Variants in CDH19 observed in about 807,000 individuals in gnomAD.
CDH19 encodes the protein cadherin-19.
In CDH19, 67 loss-of-function variants were observed where a neutral mutation model predicts 64.2. The ratio of observed to expected loss-of-function variants is 1.04; its 90% confidence interval spans 0.86 to 1.28. CDH19 has a LOEUF of 1.28. Ranked by LOEUF, CDH19 falls within the 50% of genes most tolerant of loss-of-function variation. The pLI, the probability that CDH19 is intolerant of heterozygous loss-of-function variation, is 0.00. For synonymous variants in CDH19, 346 were observed against 319.3 expected, an observed-to-expected ratio of 1.08 and a Z score of -0.89; for missense variants, 1,030 against 929.0, an observed-to-expected ratio of 1.11 and a Z score of -1.41.
At chr18:66,545,981 A>G (rs1053029294) in intron 5 of CDH19, among the ~76,000 whole-genome samples, 2 of 151,830 alleles carry the variant, frequency 1.3e-5, no homozygotes, top group African/African-American at 4.8e-5. Flanking sequence ...TAACTTGTGT[A>G]AAACTGATAT....
Position 66,544,079 on chromosome 18 carries a change from A to G in CDH19, c.1106T>C (p.Leu369Pro). Residue 369 changes from leucine to proline, a missense_variant, in exon 7 of 12, where the codon CTT (leucine) becomes CCT (proline). Physicochemically the swap from Leu to Pro is moderately conservative, Grantham distance 98. Transcript: ENST00000262150. ...AAATACATAATATGGAAGGAGGAAA[A>G]GAGGAGGCTCATCAACATCTTCCAC... ...IQVEDVDEPP[L>P]FLLPYYVFEV... The G allele has an allele frequency of 1.2e-6, 2 of 1,613,970 alleles. No homozygotes were observed. Among genetic ancestry groups the G allele is most frequent in the Non-Finnish European group, 1.7e-6 (2 of 1,179,924 alleles).
At chr18:66,597,346 A>C (rs1262997266) in intron 1 of CDH19, among the ~76,000 whole-genome samples, 1 of 151,992 alleles carries the variant, frequency 6.6e-6, no homozygotes, top group Non-Finnish European at 1.5e-5. Flanking sequence ...CATCCATAAT[A>C]AGCAATGGGG....
At position 66,503,767 on chromosome 18, in the gene CDH19, T is replaced by C. The variant is rs890256834; in HGVS notation, c.*1045A>G. ...ATACTATATAACTCTGATTAATTTG[T>C]ATACACCAAGTATCTGTTCAAATTT... On this transcript the variant is annotated 3_prime_UTR_variant, in exon 12 of 12. Transcript: ENST00000262150. 1.3e-5 allele frequency: 2 copies of C among 151,988 alleles called. No homozygotes were observed. The highest frequency in any genetic ancestry group is 4.8e-5 in the African/African-American group (2 of 41,452). 9.4% of individuals were successfully genotyped at this position (151,988 alleles called of 1,614,324 possible).
chr18:66,513,608 C>G (rs904185116), intron 9 of CDH19, among the ~76,000 whole-genome samples: 1 of 151,026 alleles, frequency 6.6e-6, no homozygotes, highest in African/African-American at 2.4e-5. Flanking sequence ...TTTAAATATA[C>G]CAATGGAAAG....
At position 66,567,508 on chromosome 18, in the gene CDH19, G is replaced by T. The variant is rs1987953072; in HGVS notation, c.490+908C>A. 2.0e-5 allele frequency among the ~76,000 whole-genome samples: 3 copies of T among 151,888 alleles called. No individual in the cohort carries two copies. The Middle Eastern group carries it at 0.01, about 517-fold the overall frequency. ...CAAATTTGTTTCTGCTGTATTTAAAGACCTATGTTCCAAACAATGTAGAAA... is the reference window on the plus strand; with the variant it reads ...CAAATTTGTTTCTGCTGTATTTAAATACCTATGTTCCAAACAATGTAGAAA... On this transcript the variant is annotated intron_variant, in intron 3 of 11. Transcript: ENST00000262150.
intron 3 of CDH19, among the ~76,000 whole-genome samples, chr18:66,566,437 A>T (rs1432408265): frequency 6.6e-6 from 1 of 151,798 alleles, no homozygotes; most frequent in Non-Finnish European, 1.5e-5. Flanking sequence ...AACAAGCAAA[A>T]AGTCCTCTTG....
intron 1 of CDH19, among the ~76,000 whole-genome samples, chr18:66,572,780 GTAAT>G (rs1461939712): frequency 6.6e-6 from 1 of 151,574 alleles, no homozygotes; most frequent in African/African-American, 2.4e-5. Flanking sequence ...ATTTTATGTA[GTAAT>G]TAAATAGACA....
intron 9 of CDH19, among the ~76,000 whole-genome samples, chr18:66,525,754 A>C (rs1163648035): frequency 2.0e-5 from 3 of 152,100 alleles, no homozygotes; most frequent in Non-Finnish European, 4.4e-5. Flanking sequence ...GTGGGAGGAA[A>C]TTGTTGGCTT....
chr18:66,525,590 C>T (rs1014235731), intron 9 of CDH19, among the ~76,000 whole-genome samples: 1 of 152,116 alleles, frequency 6.6e-6, no homozygotes, highest in Non-Finnish European at 1.5e-5. Flanking sequence ...GGAAACACAA[C>T]AGTCTTGTGC....
At chr18:66,568,770 C>T in intron 2 of CDH19, 60 bp from the exon 3 acceptor site, 3 of 1,361,944 alleles carry the variant, frequency 2.2e-6, no homozygotes, top group Non-Finnish European at 3.0e-6. Context: ...AAATCAAAAT[C>T]AAGATTTTCT....
At chr18:66,566,200 T>C (rs1987903312) in intron 3 of CDH19, among the ~76,000 whole-genome samples, 1 of 152,084 alleles carries the variant, frequency 6.6e-6, no homozygotes, top group East Asian at 1.9e-4. Context: ...TAGAAACGTT[T>C]ATTAACTGAT....
chr18:66,574,890 G>A (rs1205138065), intron 1 of CDH19, among the ~76,000 whole-genome samples: 2 of 151,612 alleles, frequency 1.3e-5, no homozygotes, highest in Non-Finnish European at 2.9e-5. Context: ...TTAAAGTATT[G>A]AAAATGAAAA....
At chr18:66,549,787 G>T (rs191989623) in intron 5 of CDH19, among the ~76,000 whole-genome samples, 1 of 152,092 alleles carries the variant, frequency 6.6e-6, no homozygotes, top group East Asian at 1.9e-4. Context: ...GCATTTGTGT[G>T]TGCGCACACA....
chr18:66,509,136 T>C lies in CDH19; in HGVS notation c.1687A>G (p.Thr563Ala). 1 of 1,613,010 alleles carries C rather than the reference T, an allele frequency of 6.2e-7. No individual in the cohort carries two copies. Among genetic ancestry groups the C allele is most frequent in the Non-Finnish European group, 8.5e-7 (1 of 1,179,318 alleles). ...CAGACATGGATGGTAAGGGTGTTTGTACTTGTAAGTGACGGGATTCCATTG... is the reference window on the plus strand; with the variant it reads ...CAGACATGGATGGTAAGGGTGTTTGCACTTGTAAGTGACGGGATTCCATTG... ...ADNGIPSLTS[T>A]NTLTIHVCDC... The change falls in exon 11 of 12, where the codon ACA becomes GCA. Residue 563 changes from threonine to alanine, a missense_variant. Transcript: ENST00000262150.
intron 1 of CDH19, among the ~76,000 whole-genome samples, chr18:66,600,895 G>T (rs1989021248): frequency 6.6e-6 from 1 of 151,790 alleles, no homozygotes. Context: ...GTCTCCCAAA[G>T]AAAAGTGTTA....
At chr18:66,580,841 C>T (rs924952224) in intron 1 of CDH19, among the ~76,000 whole-genome samples, 1 of 152,000 alleles carries the variant, frequency 6.6e-6, no homozygotes, top group Admixed American at 6.6e-5. Flanking sequence ...TGTTTATACT[C>T]CTCTATATTC....
At chr18:66,548,248 T>C (rs1987206727) in intron 5 of CDH19, among the ~76,000 whole-genome samples, 1 of 79,176 alleles carries the variant, frequency 1.3e-5, no homozygotes. Flanking sequence ...AACCCCTTTA[T>C]ATATATATAT....
chr18:66,556,373 T>C (rs1030028469), intron 3 of CDH19, among the ~76,000 whole-genome samples: 4 of 151,762 alleles, frequency 2.6e-5, no homozygotes, highest in Non-Finnish European at 5.9e-5. Context: ...TCTCTAGATT[T>C]GTTTATCTTA....
At chr18:66,548,845 G>A (rs1000763443) in intron 5 of CDH19, among the ~76,000 whole-genome samples, 1 of 152,190 alleles carries the variant, frequency 6.6e-6, no homozygotes, top group Non-Finnish European at 1.5e-5. Flanking sequence ...AGGCAAGAAA[G>A]TGTTTTTGTT....
Sources: gnomAD v4.1 joint callset for allele counts (sites outside exome capture counted in the v4.1 genomes callset) on GRCh38, gnomAD v4.1.1 for gene constraint, MANE v1.5 for transcripts, NCBI Gene and HGNC (gene_info 2026-07-23, HGNC 2026-07-21) for gene names.